The following SCN11A variants were observed in gnomAD, a reference collection of about 807,000 sequenced individuals.
SCN11A encodes sodium channel protein type 11 subunit alpha.
In SCN11A, 122 loss-of-function variants were observed where a neutral mutation model predicts 162.2. The observed-to-expected ratio is 0.75, with a 90% CI of 0.65 to 0.87. SCN11A has a LOEUF of 0.87. Ranked by LOEUF, SCN11A falls within the 40% of genes least tolerant of loss-of-function variation. SCN11A has a pLI of 0.00. For synonymous variants in SCN11A, 758 were observed against 751.5 expected (o/e 1.01, Z -0.14); for missense variants, 2,015 against 2,181.6 (o/e 0.92, Z 1.52).
intron 28 of SCN11A, among the ~76,000 whole-genome samples, chr3:38,859,854 A>G (rs2064934525): frequency 6.6e-6 from 1 of 152,190 alleles, no homozygotes; most frequent in South Asian, 2.1e-4. Context: ...TTGCAGGACT[A>G]ACAAATTAGC....
intron 2 of SCN11A, among the ~76,000 whole-genome samples, chr3:38,980,306 G>A (rs961064043): frequency 3.9e-5 from 6 of 152,100 alleles, no homozygotes; most frequent in Admixed American, 3.9e-4. Flanking sequence ...GAAAACCATG[G>A]AAAACTGCAC....
At chr3:38,949,973 G>T in intron 5 of SCN11A, 123 bp downstream of exon 5, 1 of 661,786 alleles carries the variant, frequency 1.5e-6, no homozygotes, top group Non-Finnish European at 2.5e-6. Context: ...TGACAGCAAA[G>T]AAGAGGCACA....
chr3:38,947,718 C>T (rs2066539233), intron 5 of SCN11A, among the ~76,000 whole-genome samples: 1 of 152,174 alleles, frequency 6.6e-6, no homozygotes, highest in South Asian at 2.1e-4. Context: ...ATGAAGCAGC[C>T]CCTGGACAAC....
chr3:38,953,440 T>G (rs1173836904), intron 4 of SCN11A, among the ~76,000 whole-genome samples, 189 bp downstream of exon 4: 1 of 151,504 alleles, frequency 6.6e-6, no homozygotes, highest in Non-Finnish European at 1.5e-5. Flanking sequence ...TCCCTCTAAC[T>G]GTTGGGGATT....
chr3:39,034,668 A>G (rs72858076), intron 1 of SCN11A, among the ~76,000 whole-genome samples: 12,555 of 152,282 alleles, frequency 0.082, 732 homozygotes, highest in African/African-American at 0.16. Flanking sequence ...AAAGAAGTCA[A>G]ATTATCTTTG....
At chr3:38,863,826 G>T (rs910465096) in intron 27 of SCN11A, among the ~76,000 whole-genome samples, 1 of 152,056 alleles carries the variant, frequency 6.6e-6, no homozygotes, top group Non-Finnish European at 1.5e-5. Context: ...CTCATATCTG[G>T]AAATTTGGGG....
At chr3:38,874,898 T>C (rs1273015617) in intron 23 of SCN11A, among the ~76,000 whole-genome samples, 1 of 152,216 alleles carries the variant, frequency 6.6e-6, no homozygotes, top group African/African-American at 2.4e-5. Flanking sequence ...TTTGATGTAG[T>C]TGAATTGTGT....
rs201503937 is a variant in SCN11A at position 38,945,476 on chromosome 3, G to A, written c.423C>T (p.Ile141=). 79 of 1,592,884 alleles carry A rather than the reference G, an allele frequency of 5.0e-5. No individual in the cohort carries two copies. Among genetic ancestry groups the A allele is most frequent in the Non-Finnish European group, 4.5e-5 (52 of 1,165,188 alleles). ...FSMFIIGTVI[I]NCVFMATGPA... ...GCCCTGTAGCCATGAACACGCAGTT[G>A]ATGATAACGGTGCCGATAATGAACA... Residue 141 remains isoleucine, a synonymous_variant, in exon 7 of 30, where the codon ATC becomes ATT. Transcript: ENST00000302328.
chr3:38,982,992 G>A (rs578102079), intron 2 of SCN11A, among the ~76,000 whole-genome samples: 11 of 152,114 alleles, frequency 7.2e-5, no homozygotes, highest in South Asian at 2.1e-4. Flanking sequence ...ACAAAGTAGC[G>A]GGGAAAACTT....
At position 38,899,880 on chromosome 3, in the gene SCN11A, A is replaced by G; in HGVS notation, c.2022+14T>C. ...GCAGCTACGTTTATGCAGTAAAATA[A>G]GAAAGTGCCTTACCACTCTGAAGGA... is the stretch of plus-strand genomic sequence containing the variant. On this transcript the variant is annotated intron_variant, in intron 17 of 29. Transcript: ENST00000302328. 6.2e-7 allele frequency: 1 copy of G among 1,606,614 alleles called. No individual in the cohort carries two copies. Among genetic ancestry groups the G allele is most frequent in the South Asian group, 1.1e-5 (1 of 90,142 alleles).
chr3:39,022,183 A>T (rs1050091815), intron 2 of SCN11A, among the ~76,000 whole-genome samples: 1 of 152,188 alleles, frequency 6.6e-6, no homozygotes, highest in African/African-American at 2.4e-5. Flanking sequence ...CCACCCTCAG[A>T]TCATGCTGAC....
At chr3:38,915,759 GAGA>G (rs2065951732) in intron 11 of SCN11A, among the ~76,000 whole-genome samples, 1 of 152,160 alleles carries the variant, frequency 6.6e-6, no homozygotes, top group African/African-American at 2.4e-5. Context: ...ATGTGGTGAT[GAGA>G]AGAATGTATA....
chr3:38,899,955 G>A lies in SCN11A; in HGVS notation c.1961C>T (p.Ala654Val), dbSNP rs868786768. The A allele has an allele frequency of 6.2e-7, 1 of 1,613,998 alleles. No homozygotes were observed. The highest frequency in any genetic ancestry group is 1.1e-5 in the South Asian group (1 of 91,068). The change falls in exon 17 of 30, where the codon GCA (alanine) becomes GTA (valine). Residue 654 changes from alanine to valine, a missense_variant. Physicochemically the swap from Ala to Val is moderately conservative, Grantham distance 64. Transcript: ENST00000302328. ...FDSIVALLSF[A>V]DVMNCVLQKR... is the part of the protein sequence containing the mutation. ...TTGAAGTACACAGTTCATTACATCT[G>A]CAAAACTCAGAAGAGCAACAATGCT... is the stretch of plus-strand genomic sequence containing the variant.
At chr3:39,030,201 AGAG>A (rs1208619701) in intron 2 of SCN11A, among the ~76,000 whole-genome samples, 2 of 152,192 alleles carry the variant, frequency 1.3e-5, no homozygotes, top group African/African-American at 2.4e-5. Flanking sequence ...TTTGGAGGCA[AGAG>A]GAGGAGTGAG....
intron 2 of SCN11A, among the ~76,000 whole-genome samples, chr3:38,971,867 A>C (rs893775242): frequency 1.3e-5 from 2 of 152,170 alleles, no homozygotes; most frequent in African/African-American, 4.8e-5. Context: ...TAACTGGGAC[A>C]AAAGATGTTG....
chr3:38,999,434 T>C (rs1451167580), intron 2 of SCN11A, among the ~76,000 whole-genome samples: 1 of 152,226 alleles, frequency 6.6e-6, no homozygotes, highest in Non-Finnish European at 1.5e-5. Context: ...AATCAAGGAC[T>C]TCACTTTTCT....
intron 2 of SCN11A, among the ~76,000 whole-genome samples, chr3:39,014,279 A>C (rs2031227057): frequency 6.6e-6 from 1 of 152,186 alleles, no homozygotes; most frequent in South Asian, 2.1e-4. Flanking sequence ...CTCCAATTCA[A>C]TGGAACTATT....
chr3:39,003,364 T>C (rs1414083663), intron 2 of SCN11A, among the ~76,000 whole-genome samples: 2 of 152,364 alleles, frequency 1.3e-5, no homozygotes, highest in East Asian at 3.9e-4. Flanking sequence ...CATGATCTCA[T>C]TCCTTTTTAG....
In SCN11A at chr3:38,880,093, G is replaced by A. The variant is rs1412726805; in HGVS notation, c.3250C>T (p.Pro1084Ser). Residue 1084 changes from proline (P) to serine (S), a missense_variant, in exon 23 of 30, where the codon CCC becomes TCC. Coordinates refer to ENST00000302328, the MANE Select transcript of SCN11A (RefSeq NM_001349253.2). ...CAATTTAGTAATTCTTGGATTTTGGGTTGGTTCTCAAGGTGAACATCTTCA... is the reference window on the plus strand; with the variant it reads ...CAATTTAGTAATTCTTGGATTTTGGATTGGTTCTCAAGGTGAACATCTTCA... ...IFEDVHLENQPKIQELLNCTD... is the reference protein window; with the variant it reads ...IFEDVHLENQSKIQELLNCTD... 2 of 1,611,562 alleles carry A rather than the reference G, an allele frequency of 1.2e-6. No individual in the cohort carries two copies. Among genetic ancestry groups the A allele is most frequent in the Admixed American group, 3.3e-5 (2 of 59,772 alleles).
Sources: gnomAD v4.1 joint callset for allele counts (sites outside exome capture counted in the v4.1 genomes callset) on GRCh38, gnomAD v4.1.1 for gene constraint, MANE v1.5 for transcripts, NCBI Gene and HGNC (gene_info 2026-07-23, HGNC 2026-07-21) for gene names.